Variants in RASGEF1C observed in about 807,000 individuals in gnomAD.
The protein encoded by RASGEF1C is RasGEF domain family member 1C.
RASGEF1C carries 27 observed loss-of-function variants against 58.1 expected under a neutral mutation model. The observed-to-expected ratio is 0.46, with a 90% confidence interval of 0.34 to 0.64. The LOEUF (loss-of-function observed/expected upper bound fraction) is 0.64, where lower values mean the gene tolerates loss of function less well. RASGEF1C is among the 30% of genes least tolerant of loss of function. The pLI is 0.01. For synonymous variants in RASGEF1C, 243 were observed against 246.3 expected, an observed-to-expected ratio of 0.99 and a Z score of 0.13; for missense variants, 502 against 605.1, an observed-to-expected ratio of 0.83 and a Z score of 1.79.
At chr5:180,175,794 T>A (rs932735661) in intron 1 of RASGEF1C, among the ~76,000 whole-genome samples, 1 of 151,972 alleles carries the variant, frequency 6.6e-6, no homozygotes, top group Non-Finnish European at 1.5e-5. Flanking sequence ...GTCAGGAGAT[T>A]GAGACCATCC....
At position 180,197,503 on chromosome 5, in the gene RASGEF1C, G is replaced by A. The variant is rs1046697271; in HGVS notation, c.-7+11525C>T. Among the ~76,000 whole-genome samples the A allele has an allele frequency of 6.6e-6, 1 of 152,212 alleles. No homozygotes were observed. Among genetic ancestry groups the A allele is most frequent in the African/African-American group, 2.4e-5 (1 of 41,448 alleles). On this transcript the variant is annotated intron_variant, in intron 1 of 13. Coordinates refer to ENST00000361132, the MANE Select transcript of RASGEF1C (RefSeq NM_175062.4). This position sits in a 1 kb window ranked among gnomAD's most constrained non-coding sequence, Gnocchi z 4.7. ...ACAGATGGGAGGCTGTGAGCAGAGA[G>A]AGGCCCACAAAGACAGAGAGTGAGA...
intron 1 of RASGEF1C, among the ~76,000 whole-genome samples, chr5:180,166,443 T>C (rs1767021247): frequency 6.6e-6 from 1 of 152,084 alleles, no homozygotes. Context: ...AGCTGTTCTA[T>C]TGGCAACACA....
chr5:180,109,350 C>T (rs1211583190), intron 12 of RASGEF1C, among the ~76,000 whole-genome samples: 4 of 151,740 alleles, frequency 2.6e-5, no homozygotes, highest in African/African-American at 7.3e-5. Context: ...CCCAGCTACT[C>T]GGGAGGCTGA....
At chr5:180,117,304 C>G (rs541442183) in intron 10 of RASGEF1C, among the ~76,000 whole-genome samples, 1 of 152,318 alleles carries the variant, frequency 6.6e-6, no homozygotes, top group African/African-American at 2.4e-5. Flanking sequence ...CAAGAAGGCC[C>G]GGCAGGTGGC....
intron 4 of RASGEF1C, among the ~76,000 whole-genome samples, chr5:180,135,477 CCCA>C (rs1170958443): frequency 6.6e-6 from 1 of 152,220 alleles, no homozygotes; most frequent in Non-Finnish European, 1.5e-5. Flanking sequence ...TGTGCCCCCG[CCCA>C]CGTTTCCCCC....
chr5:180,180,619 C>T (rs1008539429), intron 1 of RASGEF1C, among the ~76,000 whole-genome samples: 3 of 152,208 alleles, frequency 2.0e-5, no homozygotes, highest in Admixed American at 6.5e-5. Context: ...GTGGGAGCAC[C>T]CCAGGACCTG....
At chr5:180,139,691 G>A (rs1291635762) in intron 1 of RASGEF1C, among the ~76,000 whole-genome samples, 1 of 152,224 alleles carries the variant, frequency 6.6e-6, no homozygotes, top group East Asian at 1.9e-4. Flanking sequence ...ATCACCTCCT[G>A]TCTGTCCCAG....
At chr5:180,130,754 C>T (rs78836916) in intron 4 of RASGEF1C, among the ~76,000 whole-genome samples, 14,048 of 152,178 alleles carry the variant, frequency 0.092, 654 homozygotes, top group Non-Finnish European at 0.1. Flanking sequence ...TCTGTCTAGG[C>T]CTCTCTTCTC....
chr5:180,195,530 G>T (rs1424533179), intron 1 of RASGEF1C, among the ~76,000 whole-genome samples: 1 of 152,234 alleles, frequency 6.6e-6, no homozygotes, highest in Non-Finnish European at 1.5e-5. Flanking sequence ...GGAGGCCGAG[G>T]CGGGTGCATC....
rs944735375 is a variant in RASGEF1C at position 180,156,588 on chromosome 5, G to A, written c.-6-18530C>T. Among the ~76,000 whole-genome samples the A allele has an allele frequency of 6.6e-6, 1 of 151,910 alleles. No individual in the cohort carries two copies. Among genetic ancestry groups the A allele is most frequent in the Non-Finnish European group, 1.5e-5 (1 of 67,982 alleles). ...GTTCAAGACCAGCCTGGGCAACATG[G>A]TGAGATCCTGTCTCTACTAAAAATT... is the stretch of plus-strand genomic sequence containing the variant. On this transcript the variant is annotated intron_variant, in intron 1 of 13. Transcript: ENST00000361132. This position sits in a 1 kb window ranked among gnomAD's most constrained non-coding sequence, Gnocchi z 4.9.
At chr5:180,136,763 T>A (rs4413497) in intron 3 of RASGEF1C, 2 of 540,052 alleles carry the variant, frequency 3.7e-6, no homozygotes, top group Non-Finnish European at 6.6e-6. Context: ...TCCTCCCTGG[T>A]GAGTCTTCGC....
chr5:180,183,654 G>A (rs1481245143), intron 1 of RASGEF1C, among the ~76,000 whole-genome samples: 8 of 151,828 alleles, frequency 5.3e-5, no homozygotes, highest in East Asian at 1.9e-4. Context: ...GAGAAATTCC[G>A]TCTCTACTAA....
At chr5:180,183,845 TAAATAGATTTCA>T (rs1210464541) in intron 1 of RASGEF1C, among the ~76,000 whole-genome samples, 2 of 149,032 alleles carry the variant, frequency 1.3e-5, no homozygotes, top group Non-Finnish European at 3.0e-5. Context: ...AATAAATAAA[TAAATAGATTTCA>T]GAATAGATTT....
intron 6 of RASGEF1C, among the ~76,000 whole-genome samples, chr5:180,124,150 T>C (rs188209557): frequency 6.6e-6 from 1 of 151,366 alleles, no homozygotes; most frequent in Admixed American, 6.6e-5. Context: ...GAGAATGGCA[T>C]GAACCCAGGA....
At chr5:180,195,549 A>C (rs1756251813) in intron 1 of RASGEF1C, among the ~76,000 whole-genome samples, 1 of 152,238 alleles carries the variant, frequency 6.6e-6, no homozygotes, top group East Asian at 1.9e-4. Context: ...TCACGAGGTC[A>C]GGAGATCAAG....
At chr5:180,203,108 A>G (rs575196426) in intron 1 of RASGEF1C, among the ~76,000 whole-genome samples, 194 of 152,266 alleles carry the variant, frequency 1.3e-3, no homozygotes, top group Non-Finnish European at 2.2e-3. Context: ...TCAGAATCCA[A>G]CATCCAACAG....
rs185653247 is a variant in RASGEF1C, at chr5:180,176,277, G to A, written c.-7+32751C>T. Among the ~76,000 whole-genome samples the A allele has an allele frequency of 4.3e-3, 653 of 152,334 alleles. 2 individuals are homozygous for A. Among genetic ancestry groups the A allele is most frequent in the African/African-American group, 0.015 (616 of 41,590 alleles). ...GGCCTCCCCACTCCTGCAGGCTTCTGGCAGGCAGAGCAGCCGTGGGAGGGC... is the reference window on the plus strand; with the variant it reads ...GGCCTCCCCACTCCTGCAGGCTTCTAGCAGGCAGAGCAGCCGTGGGAGGGC... On this transcript the variant is annotated intron_variant, in intron 1 of 13. Transcript: ENST00000361132.
chr5:180,174,705 A>T (rs1252369199), intron 1 of RASGEF1C, among the ~76,000 whole-genome samples: 1 of 152,132 alleles, frequency 6.6e-6, no homozygotes, highest in African/African-American at 2.4e-5. Flanking sequence ...TCCTGGGTGC[A>T]GGCCCCTCTC....
Position 180,172,191 on chromosome 5 carries a change from G to C in RASGEF1C, c.-6-34133C>G, listed in dbSNP as rs569971365. On this transcript the variant is annotated intron_variant, in intron 1 of 13. Coordinates refer to ENST00000361132, the MANE Select transcript of RASGEF1C (RefSeq NM_175062.4). Reference sequence around the variant, plus strand: ...GGCAGGGCCACCTTCCCTGTGATGAGAGCACAGTGGGCAACAGCAGCCACT... The same window carrying C: ...GGCAGGGCCACCTTCCCTGTGATGACAGCACAGTGGGCAACAGCAGCCACT... 6.3e-4 allele frequency among the ~76,000 whole-genome samples: 96 copies of C among 152,306 alleles called. 1 individual carries two copies. Among genetic ancestry groups the C allele is most frequent in the African/African-American group, 2.2e-3 (92 of 41,570 alleles).
Sources: gnomAD v4.1 joint callset for allele counts (sites outside exome capture counted in the v4.1 genomes callset) on GRCh38, gnomAD v4.1.1 for gene constraint, Gnocchi (gnomAD v3.1) non-coding constraint, MANE v1.5 for transcripts, NCBI Gene and HGNC (gene_info 2026-07-23, HGNC 2026-07-21) for gene names.